The following DAB1 variants were observed in gnomAD, a reference collection of about 807,000 sequenced individuals.
The protein encoded by DAB1 is disabled homolog 1.
DAB1 carries 15 observed loss-of-function variants against 64.6 expected under a neutral mutation model. That is an observed-to-expected ratio of 0.23 (90% confidence interval 0.16 to 0.36). The LOEUF is 0.36. DAB1 is among the 10% of genes least tolerant of loss of function. The pLI, the probability that DAB1 is intolerant of heterozygous loss-of-function variation, is 1.00. For synonymous variants in DAB1, 235 were observed against 251.9 expected (o/e 0.93, Z 0.64); for missense variants, 596 against 706.7 (o/e 0.84, Z 1.78).
intron 7 of DAB1, among the ~76,000 whole-genome samples, chr1:57,444,865 A>G (rs1686078631): frequency 6.6e-6 from 1 of 152,186 alleles, no homozygotes; most frequent in East Asian, 1.9e-4. Context: ...GATTTAAGTC[A>G]CCGTGTTTGT....
intron 5 of DAB1, among the ~76,000 whole-genome samples, chr1:57,915,768 C>G (rs1644717597): frequency 6.6e-6 from 1 of 152,224 alleles, no homozygotes. Flanking sequence ...CAGCTCGGAG[C>G]CCCTTCAGTC....
intron 5 of DAB1, among the ~76,000 whole-genome samples, chr1:57,985,020 T>C (rs1363034062): frequency 2.0e-5 from 3 of 152,066 alleles, no homozygotes; most frequent in Non-Finnish European, 4.4e-5. Flanking sequence ...GTGATTCTCC[T>C]GCCTCACCTC....
intron 2 of DAB1, among the ~76,000 whole-genome samples, chr1:58,514,501 T>C (rs1212525187): frequency 2.6e-5 from 4 of 152,208 alleles, no homozygotes; most frequent in African/African-American, 9.6e-5. Context: ...AAGCTCCTGT[T>C]AGCCATCACC....
At chr1:57,345,711 C>CA in intron 1 of DAB1, among the ~76,000 whole-genome samples, 1 of 152,318 alleles carries the variant, frequency 6.6e-6, no homozygotes. Flanking sequence ...TTGGAGCCTT[C>CA]ATAACATCTA....
intron 2 of DAB1, among the ~76,000 whole-genome samples, chr1:57,222,452 A>G (rs1322394808): frequency 6.6e-6 from 1 of 152,206 alleles, no homozygotes; most frequent in Admixed American, 6.5e-5. Flanking sequence ...AGCTGAGCTC[A>G]GGACTCCAAG....
chr1:58,137,859 G>T (rs1422294087), intron 5 of DAB1, among the ~76,000 whole-genome samples: 1 of 152,150 alleles, frequency 6.6e-6, no homozygotes, highest in East Asian at 1.9e-4. Flanking sequence ...CAGGGCTTGA[G>T]GTTGTCATAG....
intron 4 of DAB1, among the ~76,000 whole-genome samples, chr1:58,224,260 T>C (rs1452863757): frequency 6.6e-6 from 1 of 152,190 alleles, no homozygotes; most frequent in Non-Finnish European, 1.5e-5. Flanking sequence ...CTAAAGACAA[T>C]TCATATTAAG....
At position 57,499,893 on chromosome 1, in the gene DAB1, C is replaced by T. The variant is rs375093902; in HGVS notation, n.625+149699G>A. ...TGTGAGCTGCTTTGAAGGAAGGAGG[C>T]GTAACTAATTCATATCTGCATTGCC... On this transcript the variant is annotated intron_variant and non_coding_transcript_variant, in intron 7 of 20. Coordinates refer to the DAB1 transcript ENST00000485760. Among the ~76,000 whole-genome samples, 34 of 152,266 alleles carry T rather than the reference C, an allele frequency of 2.2e-4. No homozygotes were observed. The South Asian group carries it at 2.5e-3, about 11-fold the overall frequency.
chr1:57,198,640 TTC>T (rs139550960), intron 2 of DAB1, among the ~76,000 whole-genome samples: 108 of 131,126 alleles, frequency 8.2e-4, no homozygotes, highest in East Asian at 1.6e-3. Context: ...TCCCTGCATC[TTC>T]TCTCTCTCAC....
Position 57,784,813 on chromosome 1 carries a change from T to C in DAB1, n.551+99186A>G, listed in dbSNP as rs186743040. On this transcript the variant is annotated intron_variant and non_coding_transcript_variant, in intron 6 of 20. Transcript: ENST00000485760. ...AAAAGTGCAAGATGAAGGAGCAAGT[T>C]ATCCAGAAGATCTAGCTAAGATCAT... Among the ~76,000 whole-genome samples the C allele has an allele frequency of 2.7e-3, 407 of 152,284 alleles. 1 individual carries two copies. Among genetic ancestry groups the C allele is most frequent in the African/African-American group, 9.2e-3 (382 of 41,572 alleles).
chr1:57,478,115 A>G (rs894055572), intron 7 of DAB1, among the ~76,000 whole-genome samples: 2 of 146,118 alleles, frequency 1.4e-5, no homozygotes, highest in African/African-American at 2.5e-5. Flanking sequence ...AAGTGTTCTC[A>G]TTGTTCAATT....
At chr1:58,055,887 T>TATTATTATTATTATTA (rs1474339490) in intron 5 of DAB1, among the ~76,000 whole-genome samples, 1 of 150,760 alleles carries the variant, frequency 6.6e-6, no homozygotes, top group Non-Finnish European at 1.5e-5. Flanking sequence ...ACCGAGTTAT[T>TATTATTATTATTATTA]ATTATTATTA....
chr1:57,924,836 A>G (rs1169445456), intron 5 of DAB1, among the ~76,000 whole-genome samples: 1 of 152,010 alleles, frequency 6.6e-6, no homozygotes, highest in Non-Finnish European at 1.5e-5. Flanking sequence ...CTTCAAATGG[A>G]TTAGATGAGT....
intron 1 of DAB1, among the ~76,000 whole-genome samples, chr1:57,376,998 G>C (rs1257038165): frequency 6.6e-6 from 1 of 152,258 alleles, no homozygotes; most frequent in East Asian, 1.9e-4. Flanking sequence ...TCCAGGTGCC[G>C]GTGGCTCATG....
At chr1:58,209,357 GAACT>G (rs1394141251) in intron 4 of DAB1, among the ~76,000 whole-genome samples, 1 of 152,258 alleles carries the variant, frequency 6.6e-6, no homozygotes, top group East Asian at 1.9e-4. Flanking sequence ...ACTGAGCTGA[GAACT>G]AACACTACTG....
chr1:57,505,020 T>A (rs1350968543), intron 7 of DAB1, among the ~76,000 whole-genome samples: 1 of 152,074 alleles, frequency 6.6e-6, no homozygotes, highest in Non-Finnish European at 1.5e-5. Flanking sequence ...CTGGACAGGA[T>A]CCTGAGACAG....
intron 6 of DAB1, among the ~76,000 whole-genome samples, chr1:57,695,210 C>A (rs923166149): frequency 6.9e-6 from 1 of 145,658 alleles, no homozygotes; most frequent in African/African-American, 2.6e-5. Context: ...GGTGACAGAG[C>A]AAGACCCTGT....
rs138563104 is a variant in DAB1, at chr1:57,543,867, C to T, written n.625+105725G>A. 2.0e-3 allele frequency among the ~76,000 whole-genome samples: 302 copies of T among 152,236 alleles called. 3 individuals carry two copies. The highest frequency in any genetic ancestry group is 2.8e-3 in the Non-Finnish European group (190 of 68,022). On this transcript the variant is annotated intron_variant and non_coding_transcript_variant, in intron 7 of 20. Coordinates refer to the DAB1 transcript ENST00000485760. ...CCTATAATGACAGCACTTTGGGAGG[C>T]CACAGCCAGAGGATTGATTGCTTGA... is the stretch of plus-strand genomic sequence containing the variant.
intron 4 of DAB1, among the ~76,000 whole-genome samples, chr1:58,164,349 T>G (rs924729222): frequency 7.2e-5 from 11 of 152,188 alleles, no homozygotes; most frequent in African/African-American, 2.7e-4. Flanking sequence ...TTTTGCAAAG[T>G]TGGCTTGGGA....
Sources: gnomAD v4.1 joint callset for allele counts (sites outside exome capture counted in the v4.1 genomes callset) on GRCh38, gnomAD v4.1.1 for gene constraint, MANE v1.5 for transcripts, NCBI Gene and HGNC (gene_info 2026-07-23, HGNC 2026-07-21) for gene names.